Variants in POFUT3 observed in about 807,000 individuals in gnomAD.
POFUT3 encodes the protein GDP-fucose protein O-fucosyltransferase 3.
the POFUT3 span, among the ~76,000 whole-genome samples, chr8:33,448,923 G>C: frequency 6.6e-6 from 1 of 152,126 alleles, no homozygotes; most frequent in East Asian, 1.9e-4. Context: ...GACAGAATGA[G>C]ACTCCATCTT....
chr8:33,463,244 C>T, the POFUT3 span, among the ~76,000 whole-genome samples: 1 of 152,126 alleles, frequency 6.6e-6, no homozygotes, highest in East Asian at 1.9e-4. Context: ...GTGGCTCACA[C>T]CTGTAATCCC....
chr8:33,379,413 A>G, the POFUT3 span, among the ~76,000 whole-genome samples: 11 of 152,014 alleles, frequency 7.2e-5, no homozygotes, highest in African/African-American at 2.7e-4. Context: ...ATCATGAAAC[A>G]CATAAAAAGA....
chr8:33,442,380 C>T, the POFUT3 span, among the ~76,000 whole-genome samples: 2 of 151,760 alleles, frequency 1.3e-5, no homozygotes, highest in African/African-American at 2.4e-5. Context: ...CTCCAGCTCC[C>T]GGGTTCACAC....
chr8:33,472,573 G>A, the POFUT3 span, among the ~76,000 whole-genome samples: 2 of 152,218 alleles, frequency 1.3e-5, no homozygotes, highest in Non-Finnish European at 2.9e-5. Flanking sequence ...GAAAGTCACA[G>A]TTGCTACGAC....
chr8:33,395,568 C>A, the POFUT3 span, among the ~76,000 whole-genome samples: 1,831 of 152,210 alleles, frequency 0.012, 25 homozygotes, highest in South Asian at 0.034. Context: ...AATAAAATCT[C>A]CACATTCACC....
the POFUT3 span, among the ~76,000 whole-genome samples, chr8:33,401,986 A>T: frequency 6.6e-6 from 1 of 152,068 alleles, no homozygotes. Context: ...AGATCACGCC[A>T]CCGCACTCCA....
chr8:33,348,568 C>A, the POFUT3 span, among the ~76,000 whole-genome samples: 2 of 152,092 alleles, frequency 1.3e-5, no homozygotes, highest in South Asian at 4.1e-4. Context: ...TGGTGTATAA[C>A]CTGGTAATTA....
chr8:33,470,342 C>T, the POFUT3 span, among the ~76,000 whole-genome samples: 28 of 151,492 alleles, frequency 1.8e-4, no homozygotes, highest in African/African-American at 6.6e-4. Context: ...ATCCCTTGAG[C>T]CCTGGAGGTC....
At chr8:33,335,490 G>A in the POFUT3 span, among the ~76,000 whole-genome samples, 1 of 152,086 alleles carries the variant, frequency 6.6e-6, no homozygotes, top group Non-Finnish European at 1.5e-5. Flanking sequence ...AAACAACAAA[G>A]ATATATGTTA....
the POFUT3 span, chr8:33,451,729 T>C: frequency 1.3e-5 from 2 of 152,082 alleles, no homozygotes; most frequent in African/African-American, 2.4e-5. Context: ...GGATAATTTA[T>C]AAAGGAAAGA....
chr8:33,425,891 A>C, the POFUT3 span, among the ~76,000 whole-genome samples: 1 of 150,590 alleles, frequency 6.6e-6, no homozygotes, highest in East Asian at 2.0e-4. Flanking sequence ...AACAAGAGCA[A>C]AACTCCATCT....
the POFUT3 span, among the ~76,000 whole-genome samples, chr8:33,379,849 A>ATATATATAC: frequency 1.4e-4 from 2 of 13,812 alleles, no homozygotes; most frequent in East Asian, 0.017. Context: ...AAAAAAAAAT[A>ATATATATAC]TATATATATA....
At chr8:33,431,643 TACAA>T in the POFUT3 span, among the ~76,000 whole-genome samples, 1 of 146,332 alleles carries the variant, frequency 6.8e-6, no homozygotes, top group Non-Finnish European at 1.5e-5. Context: ...CATTCTTGAT[TACAA>T]ACAGTTTTCC....
the POFUT3 span, among the ~76,000 whole-genome samples, chr8:33,361,734 G>A: frequency 1.3e-5 from 2 of 152,138 alleles, no homozygotes; most frequent in African/African-American, 2.4e-5. Context: ...ATTTCAGGCA[G>A]TTTAATATTC....
At chr8:33,415,585 GAC>G in the POFUT3 span, among the ~76,000 whole-genome samples, 2 of 152,144 alleles carry the variant, frequency 1.3e-5, no homozygotes, top group Non-Finnish European at 2.9e-5. Context: ...CCAGCCAGGT[GAC>G]AGATTTATTC....
chr8:33,369,774 G>T, the POFUT3 span, among the ~76,000 whole-genome samples: 1 of 152,060 alleles, frequency 6.6e-6, no homozygotes, highest in Non-Finnish European at 1.5e-5. Context: ...TCTTATTTCT[G>T]AGTAATGCAT....
chr8:33,410,822 A>T, the POFUT3 span, among the ~76,000 whole-genome samples: 1 of 152,146 alleles, frequency 6.6e-6, no homozygotes, highest in Non-Finnish European at 1.5e-5. Flanking sequence ...CTGGCCCAGT[A>T]AAACAGCAGA....
the POFUT3 span, among the ~76,000 whole-genome samples, chr8:33,428,710 C>A: frequency 1.3e-5 from 2 of 152,156 alleles, no homozygotes; most frequent in East Asian, 1.9e-4. Flanking sequence ...TAGGGCTCCA[C>A]CCTCTGAATG....
the POFUT3 span, chr8:33,461,711 G>A: frequency 3.6e-6 from 5 of 1,382,350 alleles, no homozygotes; most frequent in African/African-American, 1.5e-5. Flanking sequence ...CAAATAAGAA[G>A]GAATCAAAAA....
Sources: gnomAD v4.1 joint callset for allele counts (sites outside exome capture counted in the v4.1 genomes callset) on GRCh38, gnomAD v4.1.1 for gene constraint, MANE v1.5 for transcripts, NCBI Gene and HGNC (gene_info 2026-07-23, HGNC 2026-07-21) for gene names.